MAOA: variants seen among roughly 807,000 people sequenced by gnomAD.
MAOA encodes amine oxidase [flavin-containing] A.
In MAOA, 6 loss-of-function variants were observed where a neutral mutation model predicts 42.0. The ratio of observed to expected loss-of-function variants is 0.14; its 90% CI spans 0.08 to 0.28. The LOEUF is 0.28. Among genes scored for constraint, MAOA ranks in the 10% least tolerant of loss-of-function variants. The pLI is 1.00. For synonymous variants in MAOA, 140 were observed against 154.0 expected (o/e 0.91, Z 0.67); for missense variants, 262 against 422.3 (o/e 0.62, Z 3.33).
chrX:43,733,750 A>G (rs2033899834), intron 9 of MAOA, among the ~76,000 whole-genome samples: 1 of 111,795 alleles, frequency 8.9e-6, no homozygotes, highest in African/African-American at 3.3e-5. Flanking sequence ...GAAAATTACA[A>G]AGGCAAAAGG....
chrX:43,740,764 T>G (rs932749040), intron 11 of MAOA, 26 bp downstream of exon 11: 5 of 1,165,211 alleles, frequency 4.3e-6, no homozygotes, highest in Non-Finnish European at 5.8e-6. Context: ...CTTTAATCCC[T>G]AGCAGGTTCT....
intron 1 of MAOA, among the ~76,000 whole-genome samples, chrX:43,677,405 C>T (rs895350139): frequency 1.8e-5 from 2 of 111,586 alleles, no homozygotes; most frequent in African/African-American, 3.3e-5. Context: ...CCACTGCTGG[C>T]TGCATACAAC....
Position 43,732,710 on chromosome X carries a change from T to A in MAOA, c.967T>A (p.Cys323Ser), listed in dbSNP as rs773395126. Reference sequence around the variant, plus strand: ...TTCTCCTGGTTAAGATTACTGTGGCTGCATGATCATTGAAGATGAAGATGC... The same window carrying A: ...TTCTCCTGGTTAAGATTACTGTGGCAGCATGATCATTGAAGATGAAGATGC... ...AFWKKKDYCG[C>S]MIIEDEDAPI... Residue 323 changes from cysteine to serine, a missense_variant, in exon 9 of 15, where the codon TGC becomes AGC. Cys to Ser is a moderately radical substitution (Grantham distance 112). This residue lies in a region of MAOA where 86 missense variants were observed against 190.3 expected (regional missense o/e 0.45). Transcript: ENST00000338702. 1 of 1,203,982 alleles carries A rather than the reference T, an allele frequency of 8.3e-7. No individual in the cohort carries two copies. The highest frequency in any genetic ancestry group is 1.8e-5 in the South Asian group (1 of 56,810).
intron 1 of MAOA, among the ~76,000 whole-genome samples, chrX:43,670,015 A>G (rs753526643): frequency 1.8e-5 from 2 of 111,860 alleles, no homozygotes; most frequent in Non-Finnish European, 3.8e-5. Flanking sequence ...GGAGGTCATC[A>G]GTGACCTTAA....
chrX:43,678,788 A>G (rs893857197), intron 1 of MAOA, among the ~76,000 whole-genome samples: 1 of 112,072 alleles, frequency 8.9e-6, no homozygotes, highest in Admixed American at 9.5e-5. Flanking sequence ...ATTACAAAAG[A>G]TTTCTGAGCT....
chrX:43,725,263 T>TG (rs915975994), intron 5 of MAOA, among the ~76,000 whole-genome samples: 2 of 111,517 alleles, frequency 1.8e-5, no homozygotes, highest in Non-Finnish European at 3.8e-5. Flanking sequence ...ATGCTGACAG[T>TG]GGGGTATTAA....
At chrX:43,699,312 G>A (rs935947658) in intron 3 of MAOA, among the ~76,000 whole-genome samples, 3 of 106,701 alleles carry the variant, frequency 2.8e-5, no homozygotes, top group Non-Finnish European at 1.9e-5. Context: ...GTTAAATTTT[G>A]CAATGCTGTG....
chrX:43,695,118 C>A (rs1179041096), intron 3 of MAOA, among the ~76,000 whole-genome samples: 2 of 111,761 alleles, frequency 1.8e-5, no homozygotes, highest in Admixed American at 1.9e-4. Flanking sequence ...AGTGCATGCT[C>A]TTCATTATCC....
chrX:43,713,143 C>T (rs1025591394), intron 5 of MAOA, among the ~76,000 whole-genome samples: 1 of 112,320 alleles, frequency 8.9e-6, no homozygotes, highest in Non-Finnish European at 1.9e-5. Context: ...CCATGGAATA[C>T]TATGCAGCCA....
chrX:43,668,976 A>G (rs1182651922), intron 1 of MAOA, among the ~76,000 whole-genome samples: 1 of 111,260 alleles, frequency 9.0e-6, no homozygotes, highest in East Asian at 2.8e-4. Flanking sequence ...CAAATCTTCT[A>G]TTGTGTCTTT....
At chrX:43,721,163 A>G (rs1352458493) in intron 5 of MAOA, among the ~76,000 whole-genome samples, 1 of 110,861 alleles carries the variant, frequency 9.0e-6, no homozygotes, top group Non-Finnish European at 1.9e-5. Flanking sequence ...TTCAAGAATG[A>G]CTCAAAGTTC....
chrX:43,737,439 G>A (rs1017268574), intron 10 of MAOA, among the ~76,000 whole-genome samples: 1 of 111,980 alleles, frequency 8.9e-6, no homozygotes, highest in African/African-American at 3.2e-5. Context: ...TCTAGAGGCT[G>A]GGAAGTCCAA....
chrX:43,657,202 TTATATATATATATGAACTGTGTTTA>T (rs2033189383), intron 1 of MAOA, among the ~76,000 whole-genome samples: 2 of 85,734 alleles, frequency 2.3e-5, no homozygotes, highest in African/African-American at 1.1e-4. Flanking sequence ...TGAACTGTGT[TTATATATATATATGAACTGTGTTTA>T]TATATATATA....
At chrX:43,677,671 G>A (rs1245429246) in intron 1 of MAOA, among the ~76,000 whole-genome samples, 3 of 111,827 alleles carry the variant, frequency 2.7e-5, no homozygotes, top group Non-Finnish European at 5.6e-5. Flanking sequence ...CTTGTGCTAT[G>A]ATCTGCTATT....
At chrX:43,687,119 T>C (rs1234514117) in intron 2 of MAOA, among the ~76,000 whole-genome samples, 2 of 111,811 alleles carry the variant, frequency 1.8e-5, no homozygotes, top group Non-Finnish European at 3.8e-5. Flanking sequence ...ATGTTTCCAA[T>C]ATTGTTGCAT....
chrX:43,679,846 C>T (rs2033429038), intron 1 of MAOA, among the ~76,000 whole-genome samples: 1 of 112,147 alleles, frequency 8.9e-6, no homozygotes, highest in South Asian at 3.6e-4. Flanking sequence ...AGTAATCTCC[C>T]TTCTAGAACT....
At chrX:43,662,392 A>G (rs1252264894) in intron 1 of MAOA, among the ~76,000 whole-genome samples, 1 of 111,066 alleles carries the variant, frequency 9.0e-6, no homozygotes, top group Non-Finnish European at 1.9e-5. Flanking sequence ...TTCATGGTTG[A>G]AGGAGCTTTT....
chrX:43,657,892 C>T, intron 1 of MAOA: 1 of 753,330 alleles, frequency 1.3e-6, no homozygotes, highest in Non-Finnish European at 1.6e-6. Context: ...TGAACTGTTG[C>T]TTTGCCAGTT....
intron 10 of MAOA, among the ~76,000 whole-genome samples, chrX:43,739,053 G>A (rs2033942023): frequency 9.0e-6 from 1 of 111,365 alleles, no homozygotes; most frequent in Admixed American, 9.6e-5. Flanking sequence ...AGATTACTCA[G>A]AAGGGTAATA....
Sources: gnomAD v4.1 joint callset for allele counts (sites outside exome capture counted in the v4.1 genomes callset) on GRCh38, gnomAD v4.1.1 for gene constraint, gnomAD v4.1.1 regional missense constraint, MANE v1.5 for transcripts, NCBI Gene and HGNC (gene_info 2026-07-23, HGNC 2026-07-21) for gene names.